The following ADCY5 variants were observed in gnomAD, a reference collection of about 807,000 sequenced individuals.
ADCY5 encodes adenylate cyclase 5.
A neutral mutation model predicts 119.7 loss-of-function variants in ADCY5; 30 were observed. The ratio of observed to expected loss-of-function variants is 0.25; its 90% CI spans 0.19 to 0.34. The LOEUF (loss-of-function observed/expected upper bound fraction) is 0.34, where lower values mean the gene tolerates loss of function less well. ADCY5 is among the 10% of genes least tolerant of loss of function. ADCY5 has a pLI of 1.00. For synonymous variants in ADCY5, 753 were observed against 762.2 expected (o/e 0.99, Z 0.20); for missense variants, 1,324 against 1,775.2 (o/e 0.75, Z 4.57).
At chr3:123,366,531 A>G (rs1437533795) in intron 1 of ADCY5, among the ~76,000 whole-genome samples, 2 of 152,214 alleles carry the variant, frequency 1.3e-5, no homozygotes, top group Non-Finnish European at 2.9e-5. Context: ...GGCCCAAGGG[A>G]TATGGAGGTA....
At chr3:123,419,342 C>T (rs964527511) in intron 1 of ADCY5, 2 of 287,276 alleles carry the variant, frequency 7.0e-6, no homozygotes, top group African/African-American at 4.6e-5. Context: ...ATCTTCCACG[C>T]CTCCTCTTCC....
rs182430957 is a variant in ADCY5 at position 123,416,981 on chromosome 3, C to G, written c.1134+30431G>C. On this transcript the variant is annotated intron_variant, in intron 1 of 20. Transcript: ENST00000462833. Reference sequence around the variant, plus strand: ...CCATCTGCAACCCAAAGGGAGAATCCTCATCCGACCCCAATCCTCTGGCAC... The same window carrying G: ...CCATCTGCAACCCAAAGGGAGAATCGTCATCCGACCCCAATCCTCTGGCAC... Among the ~76,000 whole-genome samples, 256 of 152,298 alleles carry G rather than the reference C, an allele frequency of 1.7e-3. 1 individual carries two copies. Among genetic ancestry groups the G allele is most frequent in the African/African-American group, 5.8e-3 (241 of 41,554 alleles).
At chr3:123,393,564 T>A (rs202036273) in intron 1 of ADCY5, among the ~76,000 whole-genome samples, 2 of 143,436 alleles carry the variant, frequency 1.4e-5, no homozygotes, top group African/African-American at 2.7e-5. Context: ...TTCTAAAAAA[T>A]TAAAATAAAA....
Position 123,286,356 on chromosome 3 carries a change from C to G in ADCY5, c.3657+329G>C, listed in dbSNP as rs745586657. ...CCCTGCAGACATCTTTGCATCCTCT[C>G]TGTGTGCCTGGGCTAGGAGGCACTG... On this transcript the variant is annotated intron_variant, in intron 20 of 20. Coordinates refer to ENST00000462833, the MANE Select transcript of ADCY5 (RefSeq NM_183357.3). This position sits in a 1 kb window ranked among gnomAD's most constrained non-coding sequence, Gnocchi z 4.2. 1.3e-5 allele frequency among the ~76,000 whole-genome samples: 2 copies of G among 152,196 alleles called. No individual in the cohort carries two copies. Among genetic ancestry groups the G allele is most frequent in the East Asian group, 1.9e-4 (1 of 5,192 alleles).
chr3:123,308,689 C>T (rs975375801), intron 12 of ADCY5, among the ~76,000 whole-genome samples: 1 of 152,068 alleles, frequency 6.6e-6, no homozygotes, highest in Non-Finnish European at 1.5e-5. Flanking sequence ...ATTAGCCGGG[C>T]TTGGTGGCAG....
intron 1 of ADCY5, among the ~76,000 whole-genome samples, chr3:123,425,819 G>A (rs1346700029): frequency 6.6e-6 from 1 of 152,100 alleles, no homozygotes; most frequent in Admixed American, 6.5e-5. Context: ...TGGTCACTTG[G>A]TAGCCAGCAG....
intron 1 of ADCY5, among the ~76,000 whole-genome samples, chr3:123,420,806 G>A (rs1945289228): frequency 6.6e-6 from 1 of 152,180 alleles, no homozygotes; most frequent in South Asian, 2.1e-4. Flanking sequence ...TCACAGTTCT[G>A]AAGGCCAGAA....
intron 11 of ADCY5, among the ~76,000 whole-genome samples, chr3:123,315,605 T>C (rs1324642672): frequency 6.6e-6 from 1 of 152,082 alleles, no homozygotes; most frequent in Non-Finnish European, 1.5e-5. Flanking sequence ...AGACAGAGTC[T>C]CGCTTTGTTG....
rs1939018458 is a variant in ADCY5 at position 123,289,718 on chromosome 3, C to T, written c.3532+32G>A. 4 of 1,609,196 alleles carry T rather than the reference C, an allele frequency of 2.5e-6. No homozygotes were observed. The East Asian group carries it at 8.9e-5, about 36-fold the overall frequency. ...TGCCAGCCCTCTGCCTGACTGCACCCTGGGCTCAGCACTCCCTGGGCCCCC... is the reference window on the plus strand; with the variant it reads ...TGCCAGCCCTCTGCCTGACTGCACCTTGGGCTCAGCACTCCCTGGGCCCCC... On this transcript the variant is annotated intron_variant, in intron 19 of 20. Coordinates refer to ENST00000462833, the MANE Select transcript of ADCY5 (RefSeq NM_183357.3).
chr3:123,380,395 A>C (rs1442293210), intron 1 of ADCY5, among the ~76,000 whole-genome samples: 1 of 152,148 alleles, frequency 6.6e-6, no homozygotes, highest in Non-Finnish European at 1.5e-5. Context: ...CCAAGGGGAG[A>C]TGCAGAGAGA....
intron 11 of ADCY5, among the ~76,000 whole-genome samples, chr3:123,315,597 A>ACAG (rs975416838): frequency 6.6e-6 from 1 of 151,776 alleles, no homozygotes; most frequent in African/African-American, 2.4e-5. Flanking sequence ...TTTTTTTGAG[A>ACAG]CAGAGTCTCG....
intron 1 of ADCY5, among the ~76,000 whole-genome samples, chr3:123,413,328 T>C (rs1945104018): frequency 6.6e-6 from 1 of 152,202 alleles, no homozygotes; most frequent in African/African-American, 2.4e-5. Context: ...ACCAGAGAGA[T>C]GGCTGAGCCA....
At chr3:123,386,776 C>A (rs1201547128) in intron 1 of ADCY5, among the ~76,000 whole-genome samples, 2 of 152,092 alleles carry the variant, frequency 1.3e-5, no homozygotes, top group Admixed American at 1.3e-4. Context: ...CGCTGCCTGC[C>A]AGCGCCCCCG....
At chr3:123,303,310 G>A in intron 13 of ADCY5, 91 bp from the exon 14 acceptor site, 1 of 1,375,498 alleles carries the variant, frequency 7.3e-7, no homozygotes, top group South Asian at 1.3e-5. Flanking sequence ...GCTCCCGCCT[G>A]TCCTCCGCCT....
At chr3:123,425,736 G>A (rs1443100755) in intron 1 of ADCY5, among the ~76,000 whole-genome samples, 2 of 146,410 alleles carry the variant, frequency 1.4e-5, no homozygotes, top group Non-Finnish European at 3.0e-5. Context: ...TCACCCCAGG[G>A]AGCCCTGGCC....
intron 1 of ADCY5, among the ~76,000 whole-genome samples, chr3:123,396,024 G>A (rs1390155311): frequency 1.5e-5 from 2 of 130,642 alleles, no homozygotes; most frequent in East Asian, 4.9e-4. Context: ...GAGAGAGGGA[G>A]GGAGGGAGAG....
At chr3:123,332,337 G>C (rs1450578753) in intron 4 of ADCY5, among the ~76,000 whole-genome samples, 1 of 152,248 alleles carries the variant, frequency 6.6e-6, no homozygotes. Context: ...TGTGGTCAGC[G>C]ACAGTGCTGA....
At chr3:123,287,088 C>T in intron 19 of ADCY5, 1 of 334,380 alleles carries the variant, frequency 3.0e-6, no homozygotes, top group Non-Finnish European at 5.4e-6. Context: ...ATGCAGTTGC[C>T]TTTCCCTAAT....
At chr3:123,369,620 T>C (rs565398994) in intron 1 of ADCY5, among the ~76,000 whole-genome samples, 33 of 152,308 alleles carry the variant, frequency 2.2e-4, no homozygotes, top group African/African-American at 4.6e-4. Flanking sequence ...CCAGAAGAGA[T>C]TGAGTCTATA....
Sources: allele counts gnomAD v4.1 joint callset (sites outside exome capture counted in the v4.1 genomes callset), GRCh38; gene constraint gnomAD v4.1.1; non-coding constraint Gnocchi (gnomAD v3.1); transcripts MANE v1.5; gene names NCBI Gene and HGNC (gene_info 2026-07-23, HGNC 2026-07-21).